The following DIP2C variants were observed in gnomAD, a reference collection of about 807,000 sequenced individuals.
DIP2C encodes disco-interacting protein 2 homolog C.
A neutral mutation model predicts 192.4 loss-of-function variants in DIP2C; 33 were observed. That is an observed-to-expected ratio of 0.17 (90% CI 0.13 to 0.23). The LOEUF (loss-of-function observed/expected upper bound fraction) is 0.23. Among genes scored for constraint, DIP2C ranks in the 10% least tolerant of loss-of-function variants. The pLI is 1.00. For missense variants in DIP2C, 1,537 were observed against 2,110.1 expected, an observed-to-expected ratio of 0.73 and a Z score of 5.32; for synonymous variants, 979 against 864.1, an observed-to-expected ratio of 1.13 and a Z score of -2.33.
rs761323484 is a variant in DIP2C at position 344,922 on chromosome 10, G to A, written c.3344-4C>T. 1.2e-6 allele frequency: 2 copies of A among 1,605,282 alleles called. No individual in the cohort carries two copies. Among genetic ancestry groups the A allele is most frequent in the Non-Finnish European group, 1.7e-6 (2 of 1,176,728 alleles). On this transcript the variant is annotated splice_region_variant and splice_polypyrimidine_tract_variant and intron_variant, in intron 27 of 36. Coordinates refer to ENST00000280886, the MANE Select transcript of DIP2C (RefSeq NM_014974.3). ...GGCCGCTTCTTTGGCAAATCATCTGGAGAGGAACATGACTATCAGCAGATC... is the reference window on the plus strand; with the variant it reads ...GGCCGCTTCTTTGGCAAATCATCTGAAGAGGAACATGACTATCAGCAGATC...
intron 32 of DIP2C, among the ~76,000 whole-genome samples, chr10:297,133 G>A (rs1165607152): frequency 6.6e-6 from 1 of 151,918 alleles, no homozygotes; most frequent in Non-Finnish European, 1.5e-5. Flanking sequence ...GGCAGAGGTT[G>A]CAGTGAGCCG....
intron 17 of DIP2C, among the ~76,000 whole-genome samples, chr10:379,184 A>ACCCC (rs1962064306): frequency 7.5e-5 from 1 of 13,246 alleles, no homozygotes; most frequent in Non-Finnish European, 1.4e-4. Context: ...CCCGAGTGCC[A>ACCCC]CGCCCCCCCC....
intron 1 of DIP2C, among the ~76,000 whole-genome samples, chr10:611,697 C>T (rs994089048): frequency 1.3e-5 from 2 of 152,250 alleles, no homozygotes; most frequent in Non-Finnish European, 1.5e-5. Context: ...AAAAATCATC[C>T]GATGCTATTT....
chr10:614,581 C>T (rs2131798776), intron 1 of DIP2C, among the ~76,000 whole-genome samples: 1 of 152,354 alleles, frequency 6.6e-6, no homozygotes, highest in African/African-American at 2.4e-5. Context: ...GGAAACGTCC[C>T]AATCTGCTCG....
At chr10:605,691 A>T (rs1852409624) in intron 1 of DIP2C, among the ~76,000 whole-genome samples, 2 of 152,232 alleles carry the variant, frequency 1.3e-5, no homozygotes, top group South Asian at 4.1e-4. Flanking sequence ...GATCTCCCTC[A>T]GAACTACTCA....
chr10:519,390 G>A (rs964247738), intron 1 of DIP2C, among the ~76,000 whole-genome samples: 3 of 152,210 alleles, frequency 2.0e-5, no homozygotes, highest in African/African-American at 4.8e-5. Flanking sequence ...CTGAGTTTTC[G>A]AGGTTTCTGA....
chr10:440,770 GCTT>G (rs560097519), intron 4 of DIP2C, 98 bp downstream of exon 4: 172 of 1,480,066 alleles, frequency 1.2e-4, no homozygotes, highest in Non-Finnish European at 1.3e-4. Context: ...CTGCATTACT[GCTT>G]CATTATTTTG....
At chr10:536,894 AAC>A (rs1475636118) in intron 1 of DIP2C, among the ~76,000 whole-genome samples, 5 of 152,228 alleles carry the variant, frequency 3.3e-5, no homozygotes, top group Non-Finnish European at 5.9e-5. Flanking sequence ...TCTCAAAGTT[AAC>A]ACACGCCAGT....
At chr10:325,243 C>G (rs753816271) in intron 31 of DIP2C, among the ~76,000 whole-genome samples, 24 of 151,036 alleles carry the variant, frequency 1.6e-4, no homozygotes, top group Non-Finnish European at 2.7e-4. Context: ...CCAGCCTGGG[C>G]AACAGAGTGA....
chr10:417,825 G>A lies in DIP2C; in HGVS notation c.739+1240C>T, dbSNP rs1440506067. The stretch of plus-strand genomic sequence containing the variant: ...GTCCACCTGTTCCTGTCAGGGCGCG[G>A]ACAGGCCTCCCTGTCCACCTGCACC... On this transcript the variant is annotated intron_variant, in intron 6 of 36. Transcript: ENST00000280886. Among the ~76,000 whole-genome samples the A allele has an allele frequency of 1.3e-4, 10 of 76,504 alleles. 4 individuals are homozygous for A. The highest frequency in any genetic ancestry group is 6.7e-4 in the African/African-American group (9 of 13,340). 50.2% of individuals were successfully genotyped at this position (76,504 alleles called of 152,430 possible).
intron 6 of DIP2C, 65 bp downstream of exon 6, chr10:419,000 C>A: frequency 6.2e-7 from 1 of 1,603,876 alleles, no homozygotes. Context: ...CAGTCATGGG[C>A]ACGGAACGGG....
intron 1 of DIP2C, among the ~76,000 whole-genome samples, chr10:591,652 T>G (rs960253211): frequency 6.6e-6 from 1 of 152,192 alleles, no homozygotes; most frequent in African/African-American, 2.4e-5. Context: ...CAACTTCCCT[T>G]TTCATCTGCC....
At chr10:496,895 C>T (rs143734691) in intron 1 of DIP2C, among the ~76,000 whole-genome samples, 3,267 of 152,292 alleles carry the variant, frequency 0.021, 76 homozygotes, top group African/African-American at 0.053. Context: ...AAGGCCGAGG[C>T]GGGCAGATCA....
At chr10:649,847 T>C in intron 1 of DIP2C, 1 of 500,328 alleles carries the variant, frequency 2.0e-6, no homozygotes. Flanking sequence ...TTATTTGCAG[T>C]AAGAGAAGCA....
chr10:324,860 C>T (rs148719996), intron 31 of DIP2C: 203 of 500,490 alleles, frequency 4.1e-4, no homozygotes, highest in Middle Eastern at 9.7e-4. Flanking sequence ...CAACTCTGTT[C>T]TTCATTCTGT....
At chr10:589,752 T>G (rs1260317931) in intron 1 of DIP2C, among the ~76,000 whole-genome samples, 1 of 152,184 alleles carries the variant, frequency 6.6e-6, no homozygotes. Flanking sequence ...TTCTTCCTCT[T>G]GTCAGGAGAG....
Position 594,262 on chromosome 10 carries a change from A to G in DIP2C, c.85+95232T>C, listed in dbSNP as rs150391539. On this transcript the variant is annotated intron_variant, in intron 1 of 36. Transcript: ENST00000280886. ...GCCCTTTCCTATCTGCACAGCTTCT[A>G]CAAATTCAACTCTCACACCTGACAC... 6.1e-3 allele frequency among the ~76,000 whole-genome samples: 925 copies of G among 152,300 alleles called. 12 individuals carry two copies. The highest frequency in any genetic ancestry group is 0.021 in the African/African-American group (874 of 41,566).
At chr10:345,421 A>G (rs888173598) in intron 26 of DIP2C, among the ~76,000 whole-genome samples, 1 of 151,628 alleles carries the variant, frequency 6.6e-6, no homozygotes, top group Admixed American at 6.6e-5. Context: ...TGGAAACCCC[A>G]CACACACACA....
chr10:308,847 G>A lies in DIP2C; in HGVS notation c.3986+1184C>T, dbSNP rs532627654. ...ACGAGTGTGAACCGTCAGGGCGGGC[G>A]TGGCTCCTGGCCCTGGCGTGTGAGC... On this transcript the variant is annotated intron_variant, in intron 32 of 36. Coordinates refer to ENST00000280886, the MANE Select transcript of DIP2C (RefSeq NM_014974.3). Among the ~76,000 whole-genome samples the A allele has an allele frequency of 1.1e-4, 17 of 152,326 alleles. No individual in the cohort carries two copies. In the Middle Eastern group the frequency reaches 0.01, roughly 91 times the overall value.
Sources: gnomAD v4.1 joint callset for allele counts (sites outside exome capture counted in the v4.1 genomes callset) on GRCh38, gnomAD v4.1.1 for gene constraint, MANE v1.5 for transcripts, NCBI Gene and HGNC (gene_info 2026-07-23, HGNC 2026-07-21) for gene names.